CUBN: variants seen among roughly 807,000 people sequenced by gnomAD.
The protein encoded by CUBN is 460 kDa receptor.
In CUBN, 282 loss-of-function variants were observed where a neutral mutation model predicts 405.3. That is an observed-to-expected ratio of 0.70 (90% CI 0.63 to 0.77). The LOEUF is 0.77. Among genes scored for constraint, CUBN ranks in the 30% least tolerant of loss-of-function variants. CUBN has a pLI of 0.00. For missense variants in CUBN, 4,514 were observed against 4,475.2 expected (o/e 1.01, Z -0.25); for synonymous variants, 1,684 against 1,617.0 (o/e 1.04, Z -0.99).
chr10:16,981,094 C>G (rs1422304263), intron 31 of CUBN, among the ~76,000 whole-genome samples: 1 of 151,602 alleles, frequency 6.6e-6, no homozygotes, highest in Non-Finnish European at 1.5e-5. Flanking sequence ...GAGAACCATC[C>G]CTGTTTTCCC....
chr10:17,089,348 CA>C (rs1245999001), intron 14 of CUBN, among the ~76,000 whole-genome samples: 3 of 151,642 alleles, frequency 2.0e-5, no homozygotes, highest in Non-Finnish European at 2.9e-5. Flanking sequence ...ATAGCATAAG[CA>C]AAGGAAAAGA....
rs1389436228 is a variant in CUBN at position 16,869,632 on chromosome 10, T to G, written c.9454+4A>C. On this transcript the variant is annotated splice_donor_region_variant and intron_variant, in intron 59 of 66. Transcript: ENST00000377833. ...AAATAGATTTACAAGTCCAGAATTC[T>G]TACCCAATGTCTGCCGGAAAGACAT... 6.2e-7 allele frequency: 1 copy of G among 1,606,770 alleles called. No homozygotes were observed. The highest frequency in any genetic ancestry group is 8.5e-7 in the Non-Finnish European group (1 of 1,173,936).
At chr10:16,881,634 G>C (rs1840667673) in intron 56 of CUBN, among the ~76,000 whole-genome samples, 1 of 152,098 alleles carries the variant, frequency 6.6e-6, no homozygotes, top group Non-Finnish European at 1.5e-5. Context: ...TATAATATCT[G>C]GCAACTTATT....
chr10:16,952,174 C>CAT, intron 33 of CUBN, 102 bp downstream of exon 33: 1 of 809,502 alleles, frequency 1.2e-6, no homozygotes, highest in South Asian at 1.4e-5. Flanking sequence ...AGAGGAAGGC[C>CAT]ATCGATTGTT....
intron 28 of CUBN, among the ~76,000 whole-genome samples, chr10:17,001,662 A>G (rs1469497968): frequency 1.3e-5 from 2 of 152,246 alleles, no homozygotes; most frequent in Non-Finnish European, 2.9e-5. Context: ...ATAGTGAATG[A>G]GATGTCAATT....
rs886046868 is a variant in CUBN at position 16,907,627 on chromosome 10, C to T, written c.7586G>A (p.Ser2529Asn). ...NSPQLEKLCS[S>N]VNVSNEIKSS... is the part of the protein sequence containing the mutation. Reference sequence around the variant, plus strand: ...TTTAATCTCATTGCTTACATTCACACTACTACACAGTTTCTCTAGCTGGGG... The same window carrying T: ...TTTAATCTCATTGCTTACATTCACATTACTACACAGTTTCTCTAGCTGGGG... The change falls in exon 49 of 67, where the codon AGT becomes AAT. Residue 2529 changes from serine to asparagine, a missense_variant. Ser to Asn is a conservative substitution (Grantham distance 46, BLOSUM62 1). Coordinates refer to ENST00000377833, the MANE Select transcript of CUBN (RefSeq NM_001081.4). The T allele has an allele frequency of 4.3e-6, 7 of 1,612,868 alleles. No homozygotes were observed. The highest frequency in any genetic ancestry group is 5.9e-6 in the Non-Finnish European group (7 of 1,180,012).
chr10:16,970,589 A>AG (rs1204986662), intron 31 of CUBN, among the ~76,000 whole-genome samples: 1 of 151,902 alleles, frequency 6.6e-6, no homozygotes, highest in East Asian at 1.9e-4. Context: ...AAAAAAAAAA[A>AG]AAATCAAAGT....
chr10:17,003,516 T>G (rs1833943506), intron 28 of CUBN, among the ~76,000 whole-genome samples: 3 of 152,180 alleles, frequency 2.0e-5, no homozygotes, highest in Admixed American at 2.0e-4. Context: ...AAATTGAACA[T>G]TTTTTGTTCA....
chr10:16,990,069 C>A (rs1306693759), intron 29 of CUBN, among the ~76,000 whole-genome samples: 1 of 152,246 alleles, frequency 6.6e-6, no homozygotes, highest in East Asian at 1.9e-4. Flanking sequence ...CTCCTCCTTT[C>A]CTTCACTCAC....
At chr10:17,066,387 C>T (rs907515176) in intron 21 of CUBN, among the ~76,000 whole-genome samples, 9 of 151,984 alleles carry the variant, frequency 5.9e-5, no homozygotes, top group African/African-American at 2.2e-4. Flanking sequence ...AATCAAAGCA[C>T]ACTTGGTAAA....
chr10:17,113,890 A>T (rs770556887), intron 8 of CUBN, 137 bp downstream of exon 8: 11 of 855,844 alleles, frequency 1.3e-5, no homozygotes, highest in Non-Finnish European at 2.1e-5. Flanking sequence ...GAGATCGTCG[A>T]GCAGAACCAG....
At chr10:16,922,997 G>A (rs2131473712) in intron 43 of CUBN, among the ~76,000 whole-genome samples, 1 of 152,058 alleles carries the variant, frequency 6.6e-6, no homozygotes, top group East Asian at 1.9e-4. Flanking sequence ...CCACAGAAGT[G>A]CGCCACCATG....
chr10:17,009,707 T>TG (rs1460215045), intron 28 of CUBN, among the ~76,000 whole-genome samples: 2 of 152,202 alleles, frequency 1.3e-5, no homozygotes, highest in Non-Finnish European at 2.9e-5. Context: ...CTCTGGATAT[T>TG]GGAACCCAGG....
chr10:17,063,900 T>C (rs1272845295), intron 22 of CUBN, among the ~76,000 whole-genome samples: 1 of 152,244 alleles, frequency 6.6e-6, no homozygotes, highest in African/African-American at 2.4e-5. Flanking sequence ...ATGAGAAAAC[T>C]GTGGCCTAGA....
chr10:16,950,080 A>C lies in CUBN; in HGVS notation c.5001T>G (p.Phe1667Leu), dbSNP rs1284274358. 1.2e-6 allele frequency: 2 copies of C among 1,613,968 alleles called. No homozygotes were observed. Among genetic ancestry groups the C allele is most frequent in the South Asian group, 1.1e-5 (1 of 91,050 alleles). Reference protein sequence around the residue: ...LNHITLSFTHFELERSTTCAR... With the variant: ...LNHITLSFTHLELERSTTCAR... ...CACACGTTGTGCTTCTTTCAAGTTCAAAGTGGGTAAAAGAGAGGGTGATAT... is the reference window on the plus strand; with the variant it reads ...CACACGTTGTGCTTCTTTCAAGTTCCAAGTGGGTAAAAGAGAGGGTGATAT... Residue 1667 changes from phenylalanine (F) to leucine (L), a missense_variant, in exon 34 of 67, where the codon TTT becomes TTG. Phe to Leu is a conservative substitution (Grantham distance 22). Coordinates refer to ENST00000377833, the MANE Select transcript of CUBN (RefSeq NM_001081.4).
chr10:16,928,021 G>T, intron 41 of CUBN, 136 bp downstream of exon 41: 1 of 957,672 alleles, frequency 1.0e-6, no homozygotes, highest in Non-Finnish European at 1.6e-6. Flanking sequence ...GCCATCCAGA[G>T]CCTGGGCAGA....
At chr10:16,865,174 A>G (rs1588600422) in intron 59 of CUBN, among the ~76,000 whole-genome samples, 1 of 149,702 alleles carries the variant, frequency 6.7e-6, no homozygotes, top group Non-Finnish European at 1.5e-5. Context: ...TTCACCATGT[A>G]GGCCAGGCTG....
chr10:17,085,516 T>C (rs1836085586), intron 16 of CUBN, 81 bp downstream of exon 16: 1 of 1,342,464 alleles, frequency 7.4e-7, no homozygotes, highest in Non-Finnish European at 1.1e-6. Flanking sequence ...ATCCTCTGAA[T>C]CACATTAAAA....
At chr10:17,065,486 G>A in intron 22 of CUBN, 22 bp downstream of exon 22, 3 of 1,612,276 alleles carry the variant, frequency 1.9e-6, no homozygotes, top group Non-Finnish European at 2.5e-6. Flanking sequence ...ATAAAACCGA[G>A]TATGCAATGC....
Sources: allele counts gnomAD v4.1 joint callset (sites outside exome capture counted in the v4.1 genomes callset), GRCh38; gene constraint gnomAD v4.1.1; transcripts MANE v1.5; gene names NCBI Gene and HGNC (gene_info 2026-07-23, HGNC 2026-07-21).